The following PPARA variants were observed in gnomAD, a reference collection of about 807,000 sequenced individuals.
The protein encoded by PPARA is peroxisome proliferator-activated receptor alpha.
In PPARA, 22 loss-of-function variants were observed where a neutral mutation model predicts 42.2. The ratio of observed to expected loss-of-function variants is 0.52; its 90% CI spans 0.37 to 0.74. PPARA has a LOEUF of 0.74. Among genes scored for constraint, PPARA ranks in the 30% least tolerant of loss-of-function variants. The probability of loss-of-function intolerance (pLI) is 0.00; values close to 1 mark genes in which losing one functional copy is unlikely to be tolerated. For synonymous variants in PPARA, 242 were observed against 239.3 expected, an observed-to-expected ratio of 1.01 and a Z score of -0.10; for missense variants, 465 against 608.2, an observed-to-expected ratio of 0.76 and a Z score of 2.48.
At position 46,231,364 on chromosome 22, in the gene PPARA, G is replaced by A. The variant is rs1291716135; in HGVS notation, c.712-428G>A. Among the ~76,000 whole-genome samples, 3 of 151,976 alleles carry A rather than the reference G, an allele frequency of 2.0e-5. No homozygotes were observed. Among genetic ancestry groups the A allele is most frequent in the Non-Finnish European group, 2.9e-5 (2 of 67,996 alleles). Reference sequence around the variant, plus strand: ...CTCCCGAGTAGCTGGGACTACAGGCGCCCGCCACCACACCCAGCTAATTTT... The same window carrying A: ...CTCCCGAGTAGCTGGGACTACAGGCACCCGCCACCACACCCAGCTAATTTT... On this transcript the variant is annotated intron_variant, in intron 7 of 8. Coordinates refer to ENST00000407236, the MANE Select transcript of PPARA (RefSeq NM_005036.6). The surrounding 1 kb of genome is among the most constrained non-coding windows in gnomAD (Gnocchi z 7.7).
rs1230038859 is a variant in PPARA at position 46,243,170 on chromosome 22, T to C, written c.*7790T>C. 6.6e-6 allele frequency: 1 copy of C among 152,262 alleles called. No individual in the cohort carries two copies. Among genetic ancestry groups the C allele is most frequent in the African/African-American group, 2.4e-5 (1 of 41,426 alleles). The allele number at this position is 152,262 out of a possible 1,614,324, so 9.4% of individuals were successfully genotyped here. On this transcript the variant is annotated 3_prime_UTR_variant, in exon 9 of 9. Coordinates refer to ENST00000407236, the MANE Select transcript of PPARA (RefSeq NM_005036.6). This position sits in a 1 kb window ranked among gnomAD's most constrained non-coding sequence, Gnocchi z 5.0. ...TAACTTGGCAAAACTTCTTGGTGCA[T>C]ATTGGTTACACCCTCTGGGATTCAT...
chr22:46,174,750 G>A (rs536346830), intron 2 of PPARA, among the ~76,000 whole-genome samples: 10 of 152,184 alleles, frequency 6.6e-5, no homozygotes, highest in African/African-American at 2.2e-4. Context: ...CTGGGAGTTC[G>A]AGGCTGCAGT....
Position 46,163,339 on chromosome 22 carries a change from G to A in PPARA, c.-127+11369G>A, listed in dbSNP as rs1377525309. The A allele has an allele frequency of 6.6e-6, 1 of 152,226 alleles. No homozygotes were observed. The highest frequency in any genetic ancestry group is 1.5e-5 in the Non-Finnish European group (1 of 68,056). The allele number at this position is 152,226 out of a possible 1,614,324, so 9.4% of individuals were successfully genotyped here. A position where few individuals can be genotyped will look rare whatever the true frequency, so the allele number is the denominator to read the frequency against. ...AGTTAAACTCCTTGTGACCCACATA[G>A]GTTAGCAGAATTTAAATCCTAGGTG... On this transcript the variant is annotated intron_variant, in intron 2 of 8. Coordinates refer to ENST00000407236, the MANE Select transcript of PPARA (RefSeq NM_005036.6). The surrounding 1 kb of genome is among the most constrained non-coding windows in gnomAD (Gnocchi z 4.9).
At chr22:46,215,887 A>G (rs1601776393) in intron 5 of PPARA, among the ~76,000 whole-genome samples, 1 of 152,290 alleles carries the variant, frequency 6.6e-6, no homozygotes, top group East Asian at 1.9e-4. Flanking sequence ...GCCCCTTATG[A>G]GAATCTAATA....
intron 2 of PPARA, among the ~76,000 whole-genome samples, chr22:46,157,423 C>G (rs1462788809): frequency 1.3e-5 from 2 of 152,104 alleles, no homozygotes; most frequent in Non-Finnish European, 2.9e-5. Context: ...TCCCCCACAC[C>G]TAGACTGAGA....
In PPARA at chr22:46,187,047, T is replaced by G. The variant is rs933108895; in HGVS notation, c.-43+10211T>G. ...ACTAAAACCAAGGAAAGTGAAACCA[T>G]GGATAAGGGATATCTACTGTATAAG... On this transcript the variant is annotated intron_variant, in intron 3 of 8. Coordinates refer to ENST00000407236, the MANE Select transcript of PPARA (RefSeq NM_005036.6). The surrounding 1 kb of genome is among the most constrained non-coding windows in gnomAD (Gnocchi z 4.9). 1.3e-5 allele frequency among the ~76,000 whole-genome samples: 2 copies of G among 152,238 alleles called. No homozygotes were observed. Among genetic ancestry groups the G allele is most frequent in the Non-Finnish European group, 2.9e-5 (2 of 68,038 alleles).
chr22:46,178,191 A>T (rs1929446909), intron 3 of PPARA, among the ~76,000 whole-genome samples: 1 of 152,246 alleles, frequency 6.6e-6, no homozygotes, highest in Admixed American at 6.5e-5. Context: ...AAAGGAAAAC[A>T]TGAAATATTT....
intron 2 of PPARA, chr22:46,164,364 T>A (rs1374013944): frequency 6.6e-6 from 1 of 151,564 alleles, no homozygotes; most frequent in Non-Finnish European, 1.5e-5. Context: ...GCCATTCTAC[T>A]GCCTCAGCCT....
At chr22:46,179,729 A>T (rs895406993) in intron 3 of PPARA, among the ~76,000 whole-genome samples, 1 of 152,236 alleles carries the variant, frequency 6.6e-6, no homozygotes, top group Non-Finnish European at 1.5e-5. Flanking sequence ...CTTCATCAAA[A>T]TGAAACTTTT....
In PPARA at chr22:46,184,389, G is replaced by C. The variant is rs752546109; in HGVS notation, c.-43+7553G>C. ...GGGAGACAGAGTCCAGAATCTCAGA[G>C]AGAGACACAGTTACCTTTTAGTTAC... is the stretch of plus-strand genomic sequence containing the variant. On this transcript the variant is annotated intron_variant, in intron 3 of 8. Coordinates refer to ENST00000407236, the MANE Select transcript of PPARA (RefSeq NM_005036.6). The surrounding 1 kb of genome is among the most constrained non-coding windows in gnomAD (Gnocchi z 4.4). Among the ~76,000 whole-genome samples the C allele has an allele frequency of 2.4e-4, 36 of 152,162 alleles. No homozygotes were observed. Among genetic ancestry groups the C allele is most frequent in the Admixed American group, 3.9e-4 (6 of 15,270 alleles).
In PPARA at chr22:46,239,437, G is replaced by A. The variant is rs1388016724; in HGVS notation, c.*4057G>A. The A allele has an allele frequency of 1.3e-5, 2 of 150,858 alleles. No homozygotes were observed. The highest frequency in any genetic ancestry group is 2.4e-5 in the African/African-American group (1 of 40,902). 9.3% of individuals were successfully genotyped at this position (150,858 alleles called of 1,614,324 possible). On this transcript the variant is annotated 3_prime_UTR_variant, in exon 9 of 9. Transcript: ENST00000407236. ...TGGCCTCTGTAGTTAGGGCAGGTGG[G>A]ATGGAGACTCCTTGAGTGCACACAC... is the stretch of plus-strand genomic sequence containing the variant.
chr22:46,215,474 A>G, intron 5 of PPARA, 141 bp downstream of exon 5: 1 of 1,026,620 alleles, frequency 9.7e-7, no homozygotes, highest in East Asian at 2.7e-5. Context: ...GCGGTATCTC[A>G]TGCCTATAAT....
At chr22:46,198,676 T>C in intron 4 of PPARA, 85 bp downstream of exon 4, 1 of 1,316,940 alleles carries the variant, frequency 7.6e-7, no homozygotes, top group East Asian at 2.6e-5. Context: ...TTTTTTTTTT[T>C]TTGAGACGGA....
rs1936248056 is a variant in PPARA at position 46,237,289 on chromosome 22, T to A, written c.*1909T>A. On this transcript the variant is annotated 3_prime_UTR_variant, in exon 9 of 9. Coordinates refer to ENST00000407236, the MANE Select transcript of PPARA (RefSeq NM_005036.6). The surrounding 1 kb of genome is among the most constrained non-coding windows in gnomAD (Gnocchi z 6.7). ...GACATCCTTTTTTAAAAATTACAAATTTAGTCCGTTTTGGTTTTTGTAATC... is the reference window on the plus strand; with the variant it reads ...GACATCCTTTTTTAAAAATTACAAAATTAGTCCGTTTTGGTTTTTGTAATC... The A allele has an allele frequency of 6.6e-6, 1 of 152,026 alleles. No individual in the cohort carries two copies. Among genetic ancestry groups the A allele is most frequent in the Non-Finnish European group, 1.5e-5 (1 of 68,020 alleles). 9.4% of individuals were successfully genotyped at this position (152,026 alleles called of 1,614,324 possible).
Position 46,188,623 on chromosome 22 carries a change from A to G in PPARA, c.-42-9719A>G, listed in dbSNP as rs891838523. 2.0e-5 allele frequency: 3 copies of G among 152,084 alleles called. No individual in the cohort carries two copies. Among genetic ancestry groups the G allele is most frequent in the African/African-American group, 7.2e-5 (3 of 41,408 alleles). 9.4% of individuals were successfully genotyped at this position (152,084 alleles called of 1,614,324 possible). ...TAATACCTACCCTGCCCTGGCGTGGATAGATTAAAGAAAAAAAATACATGC... is the reference window on the plus strand; with the variant it reads ...TAATACCTACCCTGCCCTGGCGTGGGTAGATTAAAGAAAAAAAATACATGC... On this transcript the variant is annotated intron_variant, in intron 3 of 8. Transcript: ENST00000407236. This position sits in a 1 kb window ranked among gnomAD's most constrained non-coding sequence, Gnocchi z 5.0.
rs1331186366 is a variant in PPARA at position 46,156,348 on chromosome 22, A to T, written c.-127+4378A>T. The T allele has an allele frequency of 1.3e-5, 2 of 152,194 alleles. No homozygotes were observed. The highest frequency in any genetic ancestry group is 4.8e-5 in the African/African-American group (2 of 41,436). 9.4% of individuals were successfully genotyped at this position (152,194 alleles called of 1,614,324 possible). A position where few individuals can be genotyped will look rare whatever the true frequency, so the allele number is the denominator to read the frequency against. On this transcript the variant is annotated intron_variant, in intron 2 of 8. Coordinates refer to ENST00000407236, the MANE Select transcript of PPARA (RefSeq NM_005036.6). The surrounding 1 kb of genome is among the most constrained non-coding windows in gnomAD (Gnocchi z 5.2). ...CCTCTCTGAAGGGCTGTGAAGCTCG[A>T]AGTGGCAGCTTAAAAAACTGCCCAT...
chr22:46,220,084 C>A, intron 7 of PPARA, 70 bp downstream of exon 7: 1 of 1,520,724 alleles, frequency 6.6e-7, no homozygotes, highest in Non-Finnish European at 9.1e-7. Flanking sequence ...CGATTAAGGA[C>A]ACATGTGTTG....
rs1926407089 is a variant in PPARA, at chr22:46,162,803, CAGG to C, written c.-127+10836_-127+10838del. Among the ~76,000 whole-genome samples, 1 of 152,208 alleles carries C rather than the reference CAGG, an allele frequency of 6.6e-6. No homozygotes were observed. The highest frequency in any genetic ancestry group is 1.9e-4 in the East Asian group (1 of 5,200). On this transcript the variant is annotated intron_variant, in intron 2 of 8. Transcript: ENST00000407236. This position sits in a 1 kb window ranked among gnomAD's most constrained non-coding sequence, Gnocchi z 6.0. Reference sequence around the variant, plus strand: ...CCTTGCTGCTCCCCCAAACTAGAGGCAGGAGTTTTGTCCTTCAGATAACCTATG... The same window carrying C: ...CCTTGCTGCTCCCCCAAACTAGAGGCAGTTTTGTCCTTCAGATAACCTATG...
chr22:46,168,299 C>T (rs1181672271), intron 2 of PPARA, among the ~76,000 whole-genome samples: 2 of 128,028 alleles, frequency 1.6e-5, no homozygotes, highest in African/African-American at 6.2e-5. Flanking sequence ...TTGCAGTGAG[C>T]CAAGATCGTA....
Sources: gnomAD v4.1 joint callset for allele counts (sites outside exome capture counted in the v4.1 genomes callset) on GRCh38, gnomAD v4.1.1 for gene constraint, Gnocchi (gnomAD v3.1) non-coding constraint, MANE v1.5 for transcripts, NCBI Gene and HGNC (gene_info 2026-07-23, HGNC 2026-07-21) for gene names.